Variants in SLIT2 observed in about 807,000 individuals in gnomAD.
SLIT2 encodes slit guidance ligand 2.
SLIT2 carries 41 observed loss-of-function variants against 185.7 expected under a neutral mutation model. The observed-to-expected ratio is 0.22, with a 90% CI of 0.17 to 0.29. The LOEUF (loss-of-function observed/expected upper bound fraction) is 0.29. Ranked by LOEUF, SLIT2 falls within the 10% of genes least tolerant of loss-of-function variation. The pLI, the probability that SLIT2 is intolerant of heterozygous loss-of-function variation, is 1.00. For synonymous variants in SLIT2, 693 were observed against 680.2 expected, an observed-to-expected ratio of 1.02 and a Z score of -0.29; for missense variants, 1,571 against 1,909.0, an observed-to-expected ratio of 0.82 and a Z score of 3.30.
chr4:20,385,846 GTTTC>G (rs1277690656), intron 4 of SLIT2, among the ~76,000 whole-genome samples: 1 of 152,004 alleles, frequency 6.6e-6, no homozygotes, highest in Non-Finnish European at 1.5e-5. Flanking sequence ...AAACCATACA[GTTTC>G]TTTATTTCAT....
At chr4:20,371,506 T>A (rs1361958027) in intron 4 of SLIT2, among the ~76,000 whole-genome samples, 1 of 152,016 alleles carries the variant, frequency 6.6e-6, no homozygotes, top group South Asian at 2.1e-4. Context: ...CACATGGAGG[T>A]GTCCTGGGGC....
At chr4:20,493,646 A>G (rs969962204) in intron 9 of SLIT2, among the ~76,000 whole-genome samples, 2 of 152,194 alleles carry the variant, frequency 1.3e-5, no homozygotes, top group African/African-American at 4.8e-5. Flanking sequence ...CCTATCATTT[A>G]CTATTTGTGA....
chr4:20,467,918 A>G, intron 5 of SLIT2, 95 bp downstream of exon 5: 1 of 623,774 alleles, frequency 1.6e-6, no homozygotes, highest in Non-Finnish European at 2.7e-6. Flanking sequence ...GAAATGGTGA[A>G]AACCCTGTGT....
At chr4:20,289,941 G>GTCTC (rs1161111354) in intron 4 of SLIT2, among the ~76,000 whole-genome samples, 1 of 152,154 alleles carries the variant, frequency 6.6e-6, no homozygotes, top group East Asian at 1.9e-4. Context: ...TCACTCTGCT[G>GTCTC]TCTCTGTCTG....
At chr4:20,567,752 C>T (rs1050813571) in intron 28 of SLIT2, 137 bp downstream of exon 28, 13 of 671,068 alleles carry the variant, frequency 1.9e-5, no homozygotes, top group South Asian at 9.3e-5. Context: ...GTATTGGTCC[C>T]TCTCGTAGAT....
At chr4:20,279,353 A>G (rs908704694) in intron 4 of SLIT2, among the ~76,000 whole-genome samples, 2 of 152,236 alleles carry the variant, frequency 1.3e-5, no homozygotes, top group African/African-American at 2.4e-5. Flanking sequence ...TATCTCAAGC[A>G]AGCAGATTTT....
intron 4 of SLIT2, among the ~76,000 whole-genome samples, chr4:20,390,052 T>C (rs1476635222): frequency 6.6e-6 from 1 of 151,990 alleles, no homozygotes; most frequent in African/African-American, 2.4e-5. Flanking sequence ...AATTCAGAAC[T>C]CTCCAGGGGT....
At chr4:20,462,339 C>CATTT (rs1713820842) in intron 4 of SLIT2, among the ~76,000 whole-genome samples, 1 of 152,168 alleles carries the variant, frequency 6.6e-6, no homozygotes, top group Admixed American at 6.5e-5. Context: ...CATGCCTGAG[C>CATTT]ATTTGCAGTA....
At chr4:20,420,068 A>G (rs1398402686) in intron 4 of SLIT2, among the ~76,000 whole-genome samples, 1 of 152,172 alleles carries the variant, frequency 6.6e-6, no homozygotes, top group South Asian at 2.1e-4. Context: ...AATGATAACC[A>G]CTGTCTCTAA....
intron 4 of SLIT2, among the ~76,000 whole-genome samples, chr4:20,403,771 G>C (rs760751307): frequency 6.6e-6 from 1 of 151,788 alleles, no homozygotes; most frequent in Admixed American, 6.6e-5. Flanking sequence ...GTCATAGTCA[G>C]GGCCCCTTGC....
At chr4:20,385,792 A>G (rs976609688) in intron 4 of SLIT2, among the ~76,000 whole-genome samples, 4 of 152,194 alleles carry the variant, frequency 2.6e-5, no homozygotes, top group African/African-American at 4.8e-5. Context: ...CATTTAGTAT[A>G]TCAAAAGAAG....
chr4:20,418,690 G>A (rs1027332766), intron 4 of SLIT2, among the ~76,000 whole-genome samples: 20 of 152,142 alleles, frequency 1.3e-4, no homozygotes, highest in African/African-American at 4.3e-4. Flanking sequence ...AGAAGTAACT[G>A]CATATTAGGA....
intron 7 of SLIT2, among the ~76,000 whole-genome samples, chr4:20,487,360 T>C (rs1438494803): frequency 6.6e-6 from 1 of 152,154 alleles, no homozygotes; most frequent in East Asian, 1.9e-4. Flanking sequence ...TCCCAGTAAC[T>C]TCAGGTATTT....
intron 11 of SLIT2, among the ~76,000 whole-genome samples, chr4:20,518,253 A>AT (rs1238202073): frequency 3.7e-4 from 38 of 101,408 alleles, no homozygotes; most frequent in East Asian, 1.4e-3. Context: ...ATATATATAT[A>AT]TATTTTTTTT....
intron 4 of SLIT2, among the ~76,000 whole-genome samples, chr4:20,307,878 C>T (rs536180257): frequency 2.0e-5 from 3 of 152,306 alleles, no homozygotes; most frequent in African/African-American, 7.2e-5. Context: ...GACCCACTGC[C>T]TGTCCCCTGA....
At chr4:20,448,872 G>A (rs888974135) in intron 4 of SLIT2, among the ~76,000 whole-genome samples, 12 of 151,944 alleles carry the variant, frequency 7.9e-5, no homozygotes, top group Non-Finnish European at 1.5e-4. Context: ...TCTTGACCTC[G>A]TGATCCACCT....
chr4:20,482,680 A>G (rs1006692363), intron 6 of SLIT2, among the ~76,000 whole-genome samples: 3 of 152,024 alleles, frequency 2.0e-5, no homozygotes, highest in African/African-American at 7.2e-5. Flanking sequence ...ACCTTAATAT[A>G]TACATCTTAT....
At chr4:20,467,689 G>C (rs1294926149) in intron 4 of SLIT2, 63 bp from the exon 5 acceptor site, 2 of 1,004,402 alleles carry the variant, frequency 2.0e-6, no homozygotes, top group Non-Finnish European at 3.0e-6. Flanking sequence ...TCAAACATTT[G>C]GATTAAAATA....
intron 4 of SLIT2, among the ~76,000 whole-genome samples, chr4:20,401,901 C>T (rs565453581): frequency 4.0e-5 from 6 of 151,766 alleles, no homozygotes; most frequent in South Asian, 4.2e-4. Flanking sequence ...TATCAGAGAG[C>T]GTTTTATGGC....
Sources: gnomAD v4.1 joint callset for allele counts (sites outside exome capture counted in the v4.1 genomes callset) on GRCh38, gnomAD v4.1.1 for gene constraint, MANE v1.5 for transcripts, NCBI Gene and HGNC (gene_info 2026-07-23, HGNC 2026-07-21) for gene names.